PPP1R9A: variants seen among roughly 807,000 people sequenced by gnomAD.
PPP1R9A encodes neurabin-1.
A neutral mutation model predicts 141.9 loss-of-function variants in PPP1R9A; 59 were observed. The ratio of observed to expected loss-of-function variants is 0.42; its 90% CI spans 0.34 to 0.52. PPP1R9A has a LOEUF of 0.52. Among genes scored for constraint, PPP1R9A ranks in the 20% least tolerant of loss-of-function variants. The pLI is 0.10. For missense variants in PPP1R9A, 1,444 were observed against 1,611.9 expected (o/e 0.90, Z 1.78); for synonymous variants, 500 against 569.7 (o/e 0.88, Z 1.74).
chr7:94,953,757 G>C (rs1229129526), intron 2 of PPP1R9A, among the ~76,000 whole-genome samples: 1 of 152,050 alleles, frequency 6.6e-6, no homozygotes, highest in Non-Finnish European at 1.5e-5. Context: ...TTGGCTCTCT[G>C]TTTGTCTATT....
Position 95,252,091 on chromosome 7 carries a change from G to C in PPP1R9A, c.2626G>C (p.Asp876His), listed in dbSNP as rs754563368. ...VSKGDTMENL[D>H]GKQTSCQDGL... is the part of the protein sequence containing the mutation. ...TAAAGGGGATACCATGGAGAACTTG[G>C]ATGGCAAGCAGACATCTTGCCAAGA... Residue 876 changes from aspartate to histidine, a missense_variant, in exon 12 of 20, where the codon GAT (aspartate) becomes CAT (histidine). By Grantham distance (81) the Asp-to-His change is moderately conservative. This residue lies in a region of PPP1R9A where 488 missense variants were observed against 542.0 expected (regional missense o/e 0.90). Coordinates refer to ENST00000433360, the MANE Select transcript of PPP1R9A (RefSeq NM_001166160.2). 1 of 1,606,090 alleles carries C rather than the reference G, an allele frequency of 6.2e-7. No homozygotes were observed. Among genetic ancestry groups the C allele is most frequent in the Admixed American group, 1.7e-5 (1 of 58,044 alleles).
At chr7:95,057,320 A>C (rs1056681927) in intron 2 of PPP1R9A, among the ~76,000 whole-genome samples, 1 of 152,132 alleles carries the variant, frequency 6.6e-6, no homozygotes, top group African/African-American at 2.4e-5. Context: ...AATAATAAAG[A>C]AAAGAAAAGG....
intron 3 of PPP1R9A, 54 bp from the exon 4 acceptor site, chr7:95,120,658 G>T: frequency 1.3e-6 from 2 of 1,583,566 alleles, no homozygotes; most frequent in Non-Finnish European, 1.7e-6. Context: ...GCTAATTGCA[G>T]ACTAGTGTAA....
chr7:95,118,823 A>C lies in PPP1R9A; in HGVS notation c.1529-1889A>C, dbSNP rs538349147. ...CTGTCTGTACAAAAAAAAAAAAAAA[A>C]ACACAAAAAATTACCCAGATGTGGT... On this transcript the variant is annotated intron_variant, in intron 3 of 19. Transcript: ENST00000433360. Among the ~76,000 whole-genome samples, 104 of 151,258 alleles carry C rather than the reference A, an allele frequency of 6.9e-4. 2 individuals carry two copies. The highest frequency in any genetic ancestry group is 1.4e-3 in the Admixed American group (22 of 15,218).
chr7:95,230,781 C>T (rs1335898684), intron 8 of PPP1R9A, among the ~76,000 whole-genome samples: 2 of 151,956 alleles, frequency 1.3e-5, no homozygotes, highest in Non-Finnish European at 2.9e-5. Flanking sequence ...AACAAATCCT[C>T]GAAATACACC....
At chr7:95,165,723 T>TA (rs1419661733) in intron 5 of PPP1R9A, among the ~76,000 whole-genome samples, 1 of 152,142 alleles carries the variant, frequency 6.6e-6, no homozygotes, top group Non-Finnish European at 1.5e-5. Context: ...ACTGGACTGT[T>TA]AGTGAGGCTG....
chr7:95,218,667 A>G (rs549835587), intron 7 of PPP1R9A, among the ~76,000 whole-genome samples: 8 of 152,266 alleles, frequency 5.3e-5, no homozygotes, highest in Non-Finnish European at 7.4e-5. Flanking sequence ...TTGGGTGCAT[A>G]TATATTTAGG....
At chr7:95,166,902 A>G (rs1831350072) in intron 5 of PPP1R9A, among the ~76,000 whole-genome samples, 3 of 152,238 alleles carry the variant, frequency 2.0e-5, no homozygotes, top group Admixed American at 2.0e-4. Flanking sequence ...AACAGAATGA[A>G]GGACAAAAAC....
chr7:95,208,956 T>TAAAAAAAAAAAAAAAAAAAAAAAAA (rs10670515), intron 7 of PPP1R9A, among the ~76,000 whole-genome samples: 9 of 76,866 alleles, frequency 1.2e-4, no homozygotes, highest in African/African-American at 2.7e-4. Flanking sequence ...ATAGCAAAAC[T>TAAAAAAAAAAAAAAAAAAAAAAAAA]AAAAAAAAAA....
intron 2 of PPP1R9A, among the ~76,000 whole-genome samples, chr7:95,065,846 C>CT (rs1812863786): frequency 6.6e-6 from 1 of 151,952 alleles, no homozygotes; most frequent in South Asian, 2.1e-4. Flanking sequence ...TTGATAACAT[C>CT]TAGGTAGTCT....
intron 2 of PPP1R9A, among the ~76,000 whole-genome samples, chr7:95,049,989 A>G (rs1810565248): frequency 6.6e-6 from 1 of 152,218 alleles, no homozygotes; most frequent in African/African-American, 2.4e-5. Context: ...TTGTGTGCAC[A>G]TAATTTTTCA....
At chr7:94,961,439 C>T (rs10279182) in intron 2 of PPP1R9A, among the ~76,000 whole-genome samples, 9,929 of 151,514 alleles carry the variant, frequency 0.066, 416 homozygotes, top group African/African-American at 0.12. Flanking sequence ...CCTGAGTCAT[C>T]GGGCCGGACA....
intron 2 of PPP1R9A, among the ~76,000 whole-genome samples, chr7:95,002,712 G>C (rs1312766919): frequency 6.6e-6 from 1 of 152,192 alleles, no homozygotes; most frequent in Non-Finnish European, 1.5e-5. Flanking sequence ...GAGTCAGGAA[G>C]AAATCATGAT....
At position 95,036,308 on chromosome 7, in the gene PPP1R9A, C is replaced by T. The variant is rs528110581; in HGVS notation, c.1396-74951C>T. The T allele has an allele frequency of 4.7e-4, 72 of 152,134 alleles. 1 individual carries two copies. Among genetic ancestry groups the T allele is most frequent in the Admixed American group, 4.6e-3 (70 of 15,272 alleles). 9.4% of individuals were successfully genotyped at this position (152,134 alleles called of 1,614,324 possible). A position where few individuals can be genotyped will look rare whatever the true frequency, so the allele number is the denominator to read the frequency against. ...ACAGACACACAGATACATCAAATAG[C>T]GTGTGAGTCAGGATTTAGTCCAGGA... On this transcript the variant is annotated intron_variant, in intron 2 of 19. Coordinates refer to ENST00000433360, the MANE Select transcript of PPP1R9A (RefSeq NM_001166160.2).
intron 2 of PPP1R9A, among the ~76,000 whole-genome samples, chr7:94,949,959 C>A (rs965313552): frequency 1.6e-5 from 1 of 63,612 alleles, no homozygotes; most frequent in Non-Finnish European, 3.5e-5. Flanking sequence ...TTCTGCTTTT[C>A]TTATTTTTTC....
rs184515303 is a variant in PPP1R9A at position 95,042,578 on chromosome 7, T to G, written c.1396-68681T>G. Among the ~76,000 whole-genome samples the G allele has an allele frequency of 1.4e-3, 218 of 152,304 alleles. 2 individuals carry two copies. Among genetic ancestry groups the G allele is most frequent in the African/African-American group, 4.7e-3 (194 of 41,574 alleles). On this transcript the variant is annotated intron_variant, in intron 2 of 19. Coordinates refer to ENST00000433360, the MANE Select transcript of PPP1R9A (RefSeq NM_001166160.2). ...TACACGTGATTCATTTATTACACAT[T>G]TAGGCTGTTGATAGTGTGTCAGTTT... is the stretch of plus-strand genomic sequence containing the variant.
chr7:94,979,046 C>T (rs1436156972), intron 2 of PPP1R9A, among the ~76,000 whole-genome samples: 1 of 152,182 alleles, frequency 6.6e-6, no homozygotes, highest in Non-Finnish European at 1.5e-5. Context: ...ATTCCTCCGC[C>T]TTGGCCCCAC....
chr7:95,051,729 A>T (rs895913132), intron 2 of PPP1R9A, among the ~76,000 whole-genome samples: 3 of 152,210 alleles, frequency 2.0e-5, no homozygotes, highest in African/African-American at 7.2e-5. Context: ...GGTATTTAGA[A>T]ACTCAATTAC....
Position 95,164,741 on chromosome 7 carries a change from CTTTT to C in PPP1R9A, c.1754+2787_1754+2790del, listed in dbSNP as rs200177321. 8.2e-3 allele frequency among the ~76,000 whole-genome samples: 542 copies of C among 66,172 alleles called. 5 individuals carry two copies. The highest frequency in any genetic ancestry group is 0.032 in the African/African-American group (502 of 15,892). The allele number at this position is 66,172 out of a possible 152,430, so 43.4% of individuals were successfully genotyped here. A position where few individuals can be genotyped will look rare whatever the true frequency, so the allele number is the denominator to read the frequency against. ...ACCATGGTTTTTTTTCTTTTCTTTT[CTTTT>C]TTTTTTTTTTTTTTTTCAGGCATGG... On this transcript the variant is annotated intron_variant, in intron 5 of 19. Coordinates refer to ENST00000433360, the MANE Select transcript of PPP1R9A (RefSeq NM_001166160.2).
Sources: allele counts gnomAD v4.1 joint callset (sites outside exome capture counted in the v4.1 genomes callset), GRCh38; gene constraint gnomAD v4.1.1; regional missense constraint gnomAD v4.1.1; transcripts MANE v1.5; gene names NCBI Gene and HGNC (gene_info 2026-07-23, HGNC 2026-07-21).